SMARCA1: variants seen among roughly 807,000 people sequenced by gnomAD.
The protein encoded by SMARCA1 is SNF2 related chromatin remodeling ATPase 1, also known as SWI/SNF-related matrix-associated actin-dependent regulator of chromatin subfamily A member 1.
SMARCA1 carries 17 observed loss-of-function variants against 93.6 expected under a neutral mutation model. The observed-to-expected ratio is 0.18, with a 90% CI of 0.12 to 0.27. The LOEUF (loss-of-function observed/expected upper bound fraction) is 0.27. Among genes scored for constraint, SMARCA1 ranks in the 10% least tolerant of loss-of-function variants. The probability of loss-of-function intolerance (pLI) is 1.00; values close to 1 mark genes in which losing one functional copy is unlikely to be tolerated. For missense variants in SMARCA1, 630 were observed against 819.0 expected (o/e 0.77, Z 2.82); for synonymous variants, 271 against 271.4 (o/e 1.00, Z 0.01).
intron 6 of SMARCA1, among the ~76,000 whole-genome samples, chrX:129,508,970 G>A (rs958407279): frequency 1.8e-5 from 2 of 109,670 alleles, no homozygotes; most frequent in African/African-American, 3.3e-5. Context: ...GATGGATCAC[G>A]AGGTCAGGAG....
intron 16 of SMARCA1, among the ~76,000 whole-genome samples, chrX:129,487,695 C>T (rs1236237410): frequency 8.9e-6 from 1 of 111,901 alleles, no homozygotes; most frequent in Non-Finnish European, 1.9e-5. Flanking sequence ...ACAAGGAATA[C>T]AATACATGGC....
At chrX:129,475,595 C>T (rs1933346637) in intron 19 of SMARCA1, among the ~76,000 whole-genome samples, 1 of 111,923 alleles carries the variant, frequency 8.9e-6, no homozygotes, top group Non-Finnish European at 1.9e-5. Context: ...TATTTAAAGT[C>T]CTCATACTCT....
chrX:129,511,730 C>G lies in SMARCA1; in HGVS notation c.810+74G>C, dbSNP rs931842165. On this transcript the variant is annotated intron_variant, in intron 6 of 24. Coordinates refer to ENST00000371121, the MANE Select transcript of SMARCA1 (RefSeq NM_001282874.2). The stretch of plus-strand genomic sequence containing the variant: ...TAGTAGTCAACTCAGATGTTTTTAA[C>G]AGCAATAATATGTAACTAAACTCCA... 1.8e-5 allele frequency: 15 copies of G among 833,644 alleles called. No individual in the cohort carries two copies. The African/African-American group carries it at 2.9e-4, about 16-fold the overall frequency. 68.7% of individuals were successfully genotyped at this position (833,644 alleles called of 1,213,427 possible).
Position 129,465,736 on chromosome X carries a change from T to C in SMARCA1, c.2818-4A>G, listed in dbSNP as rs993061894. 5.2e-6 allele frequency: 6 copies of C among 1,150,401 alleles called. No homozygotes were observed. Among genetic ancestry groups the C allele is most frequent in the South Asian group, 2.1e-5 (1 of 47,221 alleles). The allele number at this position is 1,150,401 out of a possible 1,213,427, so 94.8% of individuals were successfully genotyped here. ...ATGGAGCCTTGTATCTTGCAATCTG[T>C]GTATTTAAACAAAATAGTGCTTTTA... On this transcript the variant is annotated splice_region_variant and splice_polypyrimidine_tract_variant and intron_variant, in intron 22 of 24. Transcript: ENST00000371121.
chrX:129,508,112 A>G lies in SMARCA1; in HGVS notation c.811-16T>C. 1 of 995,344 alleles carries G rather than the reference A, an allele frequency of 1.0e-6. No individual in the cohort carries two copies. The highest frequency in any genetic ancestry group is 1.4e-6 in the Non-Finnish European group (1 of 728,230). The allele number at this position is 995,344 out of a possible 1,213,427, so 82.0% of individuals were successfully genotyped here. On this transcript the variant is annotated splice_polypyrimidine_tract_variant and intron_variant, in intron 6 of 24. Transcript: ENST00000371121. The stretch of plus-strand genomic sequence containing the variant: ...TAAAAGCAGCCTAATGCAAAATAAA[A>G]TACTTCATATTAGAATATATTTATA...
In SMARCA1 at chrX:129,480,773, T is replaced by C; in HGVS notation, c.2370A>G (p.Gln790=). Residue 790 remains glutamine, a synonymous_variant, in exon 19 of 25, where the codon CAA becomes CAG. Coordinates refer to ENST00000371121, the MANE Select transcript of SMARCA1 (RefSeq NM_001282874.2). ...PPKQPNVQDF[Q]FFPPRLFELL... is the part of the protein sequence containing the mutation. Reference sequence around the variant, plus strand: ...GCTCAAATAAGCGTGGTGGGAAAAATTGAAAATCCTGAACATTTGGCTGTT... The same window carrying C: ...GCTCAAATAAGCGTGGTGGGAAAAACTGAAAATCCTGAACATTTGGCTGTT... 1.7e-6 allele frequency: 2 copies of C among 1,152,936 alleles called. No individual in the cohort carries two copies. Among genetic ancestry groups the C allele is most frequent in the East Asian group, 3.2e-5 (1 of 31,230 alleles).
chrX:129,473,061 G>A (rs1251239160), intron 19 of SMARCA1, among the ~76,000 whole-genome samples: 1 of 111,596 alleles, frequency 9.0e-6, no homozygotes, highest in Non-Finnish European at 1.9e-5. Context: ...CATGAAGGCA[G>A]AAATGTGCAG....
chrX:129,514,766 G>A (rs927977455), intron 5 of SMARCA1, among the ~76,000 whole-genome samples: 1 of 111,785 alleles, frequency 8.9e-6, no homozygotes, highest in African/African-American at 3.3e-5. Context: ...GGTTACATAA[G>A]GCCAGGGTGG....
chrX:129,520,709 G>A (rs891571981), intron 1 of SMARCA1, among the ~76,000 whole-genome samples: 7 of 111,396 alleles, frequency 6.3e-5, no homozygotes, highest in Non-Finnish European at 1.3e-4. Flanking sequence ...CCCTCTCCCT[G>A]TTTTATCACT....
chrX:129,500,501 A>G (rs1425053228), intron 9 of SMARCA1, among the ~76,000 whole-genome samples: 2 of 112,637 alleles, frequency 1.8e-5, no homozygotes, highest in East Asian at 5.5e-4. Flanking sequence ...GGAAATCTGA[A>G]GTCAGAATAT....
At chrX:129,486,962 T>C (rs1172255084) in intron 17 of SMARCA1, 56 bp downstream of exon 17, 1 of 1,030,923 alleles carries the variant, frequency 9.7e-7, no homozygotes, top group Admixed American at 2.7e-5. Context: ...TATTTTATAA[T>C]TGTTATGGGG....
At chrX:129,502,037 A>G (rs757298337) in intron 9 of SMARCA1, among the ~76,000 whole-genome samples, 1 of 112,136 alleles carries the variant, frequency 8.9e-6, no homozygotes, top group Admixed American at 9.5e-5. Flanking sequence ...TTAGAGATCT[A>G]TGGGAGGTAA....
intron 20 of SMARCA1, among the ~76,000 whole-genome samples, chrX:129,470,115 T>C (rs997973447): frequency 9.0e-6 from 1 of 111,550 alleles, no homozygotes; most frequent in Non-Finnish European, 1.9e-5. Flanking sequence ...CTTTCAATAA[T>C]TAACGTGGAG....
At chrX:129,451,065 ATACTC>A (rs749659668) in intron 23 of SMARCA1, among the ~76,000 whole-genome samples, 1 of 112,061 alleles carries the variant, frequency 8.9e-6, no homozygotes, top group Non-Finnish European at 1.9e-5. Flanking sequence ...CCTATTAAAA[ATACTC>A]TAATGTAACA....
intron 7 of SMARCA1, 140 bp from the exon 8 acceptor site, chrX:129,506,351 G>A (rs1222820129): frequency 6.3e-6 from 3 of 478,455 alleles, no homozygotes; most frequent in Non-Finnish European, 1.1e-5. Flanking sequence ...CCTAGTTCAG[G>A]TGACAATGCT....
Position 129,497,863 on chromosome X carries a change from C to T in SMARCA1, c.1486G>A (p.Ala496Thr). 1 of 1,198,626 alleles carries T rather than the reference C, an allele frequency of 8.3e-7. No homozygotes were observed. Among genetic ancestry groups the T allele is most frequent in the Non-Finnish European group, 1.1e-6 (1 of 883,944 alleles). Residue 496 changes from alanine (A) to threonine (T), a missense_variant, in exon 11 of 25, where the codon GCC becomes ACC. Ala to Thr is a moderately conservative substitution (Grantham distance 58, BLOSUM62 0). Transcript: ENST00000371121. Reference sequence around the variant, plus strand: ...TACTCACCCTGTTCTTTGAGTTTGGCCAATAGTTTATCCAGAACTACCATT... The same window carrying T: ...TACTCACCCTGTTCTTTGAGTTTGGTCAATAGTTTATCCAGAACTACCATT... ...GKMVVLDKLL[A>T]KLKEQGSRVL...
At chrX:129,484,666 C>T (rs1005316372) in intron 17 of SMARCA1, among the ~76,000 whole-genome samples, 20 of 111,837 alleles carry the variant, frequency 1.8e-4, no homozygotes, top group African/African-American at 5.5e-4. Flanking sequence ...CTCAAAACAT[C>T]CATGAGTCCA....
In SMARCA1 at chrX:129,475,115, A is replaced by G. The variant is rs375103783; in HGVS notation, c.2443-3789T>C. Among the ~76,000 whole-genome samples, 25 of 110,170 alleles carry G rather than the reference A, an allele frequency of 2.3e-4. No homozygotes were observed. In the South Asian group the frequency reaches 9.5e-3, roughly 42 times the overall value. On this transcript the variant is annotated intron_variant, in intron 19 of 24. Coordinates refer to ENST00000371121, the MANE Select transcript of SMARCA1 (RefSeq NM_001282874.2). ...AGACTAATACACCTCCTATAAAAAAAAACCTTAATAGTCATCATTTTAATA... is the reference window on the plus strand; with the variant it reads ...AGACTAATACACCTCCTATAAAAAAGAACCTTAATAGTCATCATTTTAATA...
At position 129,481,779 on chromosome X, in the gene SMARCA1, C is replaced by T. The variant is rs752034939; in HGVS notation, c.2218-594G>A. Among the ~76,000 whole-genome samples, 143 of 111,540 alleles carry T rather than the reference C, an allele frequency of 1.3e-3. 1 individual carries two copies. Among genetic ancestry groups the T allele is most frequent in the African/African-American group, 4.5e-3 (139 of 30,679 alleles). ...CTTGTGGAAGTCAGTGTGGCGATTC[C>T]TCAGGGATCTAGAACTAGAAATACC... On this transcript the variant is annotated intron_variant, in intron 17 of 24. Transcript: ENST00000371121.
Sources: allele counts gnomAD v4.1 joint callset (sites outside exome capture counted in the v4.1 genomes callset), GRCh38; gene constraint gnomAD v4.1.1; transcripts MANE v1.5; gene names NCBI Gene and HGNC (gene_info 2026-07-23, HGNC 2026-07-21).